Variants in KAZN observed in about 807,000 individuals in gnomAD.
KAZN encodes kazrin.
A neutral mutation model predicts 87.4 loss-of-function variants in KAZN; 40 were observed. The observed-to-expected ratio is 0.46, with a 90% CI of 0.36 to 0.60. KAZN has a LOEUF of 0.60. Ranked by LOEUF, KAZN falls within the 20% of genes least tolerant of loss-of-function variation. The probability of loss-of-function intolerance (pLI) is 0.00; values close to 1 mark genes in which losing one functional copy is unlikely to be tolerated. For missense variants in KAZN, 898 were observed against 1,073.9 expected, an observed-to-expected ratio of 0.84 and a Z score of 2.29; for synonymous variants, 466 against 458.3, an observed-to-expected ratio of 1.02 and a Z score of -0.22.
intron 1 of KAZN, among the ~76,000 whole-genome samples, chr1:14,849,932 C>T (rs557894437): frequency 2.6e-4 from 36 of 138,410 alleles, no homozygotes; most frequent in Admixed American, 6.2e-4. Flanking sequence ...AGATTTTCTA[C>T]CCCCCCTTTT....
At chr1:14,278,702 G>A (rs976159187) in intron 2 of KAZN, among the ~76,000 whole-genome samples, 1 of 152,126 alleles carries the variant, frequency 6.6e-6, no homozygotes, top group Non-Finnish European at 1.5e-5. Context: ...TTCACACATT[G>A]CATTCAGTTG....
chr1:14,414,790 C>G (rs530831604), intron 2 of KAZN, among the ~76,000 whole-genome samples: 1 of 151,962 alleles, frequency 6.6e-6, no homozygotes, highest in Non-Finnish European at 1.5e-5. Context: ...TTTGGGAGGC[C>G]GAGGATGATG....
chr1:14,040,777 A>ATAAAATAAAATAAAATTAAAT (rs1641801759), intron 1 of KAZN, among the ~76,000 whole-genome samples: 6 of 106,736 alleles, frequency 5.6e-5, no homozygotes, highest in South Asian at 3.5e-4. Flanking sequence ...AAAAATTAAA[A>ATAAAATAAAATAAAATTAAAT]TAAAATAAAA....
intron 1 of KAZN, among the ~76,000 whole-genome samples, chr1:14,027,305 T>G (rs1427814735): frequency 6.6e-6 from 1 of 152,158 alleles, no homozygotes; most frequent in African/African-American, 2.4e-5. Flanking sequence ...CTGGCTTCCC[T>G]TGGAAGCCTA....
At chr1:14,265,595 T>C (rs943985041) in intron 2 of KAZN, among the ~76,000 whole-genome samples, 2 of 152,146 alleles carry the variant, frequency 1.3e-5, no homozygotes, top group Non-Finnish European at 2.9e-5. Context: ...CCCCAGCAGA[T>C]TGGAGAGGCA....
At chr1:14,804,077 G>GC (rs1179890089) in intron 1 of KAZN, among the ~76,000 whole-genome samples, 1 of 152,130 alleles carries the variant, frequency 6.6e-6, no homozygotes, top group Non-Finnish European at 1.5e-5. Context: ...AGCAAGCTTT[G>GC]CCCCCAGGTC....
intron 1 of KAZN, among the ~76,000 whole-genome samples, chr1:14,162,613 G>A (rs1342086652): frequency 1.3e-5 from 2 of 148,904 alleles, no homozygotes; most frequent in Non-Finnish European, 3.0e-5. Context: ...GGCACGGTCT[G>A]GGCTCACTGC....
chr1:14,267,091 T>A (rs1227061654), intron 2 of KAZN, among the ~76,000 whole-genome samples: 1 of 149,148 alleles, frequency 6.7e-6, no homozygotes, highest in Non-Finnish European at 1.5e-5. Flanking sequence ...AAATTTTTTT[T>A]TCTCATCAAC....
At chr1:13,978,663 A>T (rs1429794226) in intron 1 of KAZN, among the ~76,000 whole-genome samples, 1 of 152,160 alleles carries the variant, frequency 6.6e-6, no homozygotes, top group Non-Finnish European at 1.5e-5. Flanking sequence ...AGAGAAAAAG[A>T]TAAATTTTAG....
intron 1 of KAZN, among the ~76,000 whole-genome samples, chr1:14,893,588 C>T (rs749390854): frequency 2.4e-4 from 36 of 152,118 alleles, no homozygotes; most frequent in Non-Finnish European, 3.4e-4. Context: ...CTCGCCTTTA[C>T]TGCTACTGCT....
intron 2 of KAZN, among the ~76,000 whole-genome samples, chr1:14,326,397 C>A (rs1175948018): frequency 6.6e-6 from 1 of 152,202 alleles, no homozygotes; most frequent in Non-Finnish European, 1.5e-5. Flanking sequence ...AAACTCCTCA[C>A]CACCTTTGCC....
At chr1:14,534,594 G>A (rs769943928) in intron 2 of KAZN, among the ~76,000 whole-genome samples, 4 of 152,044 alleles carry the variant, frequency 2.6e-5, no homozygotes, top group East Asian at 1.9e-4. Flanking sequence ...GCAGTGAGCC[G>A]AGATCGCACC....
intron 1 of KAZN, among the ~76,000 whole-genome samples, chr1:14,901,406 T>C (rs1451689988): frequency 1.4e-5 from 2 of 141,252 alleles, no homozygotes; most frequent in African/African-American, 4.9e-5. Flanking sequence ...ATGATGCTGT[T>C]TATGCCACAT....
intron 1 of KAZN, among the ~76,000 whole-genome samples, chr1:14,835,486 T>TTG (rs1647204484): frequency 6.6e-6 from 1 of 151,998 alleles, no homozygotes; most frequent in African/African-American, 2.4e-5. Flanking sequence ...GAACACGGGA[T>TTG]CAACCATGAG....
chr1:14,023,484 C>G (rs971325909), intron 1 of KAZN, among the ~76,000 whole-genome samples: 6 of 152,110 alleles, frequency 3.9e-5, no homozygotes, highest in African/African-American at 1.4e-4. Context: ...GCATCTCTCA[C>G]CAGGGGTAAC....
intron 2 of KAZN, among the ~76,000 whole-genome samples, chr1:14,455,530 C>T (rs941278666): frequency 6.6e-5 from 10 of 152,150 alleles, no homozygotes; most frequent in Admixed American, 6.5e-4. Context: ...CCTTAGGAAA[C>T]ATAAAATTAT....
chr1:14,196,413 C>A (rs557092264), intron 2 of KAZN, among the ~76,000 whole-genome samples: 1 of 152,164 alleles, frequency 6.6e-6, no homozygotes, highest in South Asian at 2.1e-4. Flanking sequence ...TTACTTGGAC[C>A]ATTACCTCTC....
chr1:14,538,873 T>C (rs1403629555), intron 2 of KAZN, among the ~76,000 whole-genome samples: 1 of 152,190 alleles, frequency 6.6e-6, no homozygotes, highest in African/African-American at 2.4e-5. Context: ...CCACCACCAT[T>C]CACAGGGACT....
rs368770343 is a variant in KAZN, at chr1:14,631,695, A to G, written c.226+32472A>G. Among the ~76,000 whole-genome samples the G allele has an allele frequency of 2.9e-4, 44 of 152,324 alleles. No individual in the cohort carries two copies. In the East Asian group the frequency reaches 4.6e-3, roughly 16 times the overall value. ...CACTGCATGCTGGAGAGAGGGCGGG[A>G]GCACATGAGCCTTCATCCTTCAGCT... On this transcript the variant is annotated intron_variant, in intron 1 of 14. Coordinates refer to ENST00000376030, the MANE Select transcript of KAZN (RefSeq NM_201628.3).
Sources: allele counts gnomAD v4.1 joint callset (sites outside exome capture counted in the v4.1 genomes callset), GRCh38; gene constraint gnomAD v4.1.1; transcripts MANE v1.5; gene names NCBI Gene and HGNC (gene_info 2026-07-23, HGNC 2026-07-21).